The following ARHGAP8 variants were observed in gnomAD, a reference collection of about 807,000 sequenced individuals.
The protein encoded by ARHGAP8 is Rho GTPase activating protein 8.
A neutral mutation model predicts 46.1 loss-of-function variants in ARHGAP8; 62 were observed. The ratio of observed to expected loss-of-function variants is 1.34; its 90% CI spans 1.10 to 1.66. ARHGAP8 has a LOEUF of 1.66. Ranked by LOEUF, ARHGAP8 falls within the 40% of genes most tolerant of loss-of-function variation. The probability of loss-of-function intolerance (pLI) is 0.00; values close to 1 mark genes in which losing one functional copy is unlikely to be tolerated. For synonymous variants in ARHGAP8, 375 were observed against 243.1 expected (o/e 1.54, Z -5.05); for missense variants, 923 against 568.4 (o/e 1.62, Z -6.34).
At chr22:44,817,459 G>A (rs1422986119) in intron 5 of ARHGAP8, among the ~76,000 whole-genome samples, 5 of 152,228 alleles carry the variant, frequency 3.3e-5, no homozygotes, top group Admixed American at 6.5e-5. Context: ...TATGTGACAT[G>A]TGACATATTT....
At chr22:44,772,912 G>C (rs1250651247) in intron 1 of ARHGAP8, among the ~76,000 whole-genome samples, 1 of 148,394 alleles carries the variant, frequency 6.7e-6, no homozygotes, top group Non-Finnish European at 1.5e-5. Context: ...CTGACCTCCT[G>C]GGTTCAAGCG....
rs183196406 is a variant in ARHGAP8, at chr22:44,759,500, A to G, written c.-72+6873A>G. ...CCCATGTAGCTGCAAAGGTCTGGGG[A>G]TAGTATGGAGATCAGGTGTGGCTTG... On this transcript the variant is annotated intron_variant, in intron 1 of 11. Coordinates refer to ENST00000356099, the MANE Select transcript of ARHGAP8 (RefSeq NM_181335.3). 3.9e-3 allele frequency among the ~76,000 whole-genome samples: 594 copies of G among 152,222 alleles called. 4 individuals are homozygous for G. Among genetic ancestry groups the G allele is most frequent in the Non-Finnish European group, 3.7e-3 (253 of 68,000 alleles).
intron 11 of ARHGAP8, among the ~76,000 whole-genome samples, chr22:44,861,594 CCT>C (rs759985060): frequency 1.2e-4 from 19 of 152,312 alleles, no homozygotes; most frequent in Non-Finnish European, 2.2e-4. Flanking sequence ...CCTCATGACC[CCT>C]GTTTCTGACT....
At chr22:44,802,675 G>T (rs1928641097) in intron 3 of ARHGAP8, among the ~76,000 whole-genome samples, 1 of 152,148 alleles carries the variant, frequency 6.6e-6, no homozygotes, top group Admixed American at 6.5e-5. Context: ...CAAGGTCAAG[G>T]CAGCGGCAGG....
chr22:44,774,767 C>A (rs1417910511), intron 1 of ARHGAP8, among the ~76,000 whole-genome samples: 2 of 151,914 alleles, frequency 1.3e-5, no homozygotes, highest in African/African-American at 4.8e-5. Context: ...GGTGCTCCAC[C>A]CACCTCAGCC....
intron 1 of ARHGAP8, among the ~76,000 whole-genome samples, chr22:44,780,102 C>T (rs1926735700): frequency 6.6e-6 from 1 of 152,166 alleles, no homozygotes; most frequent in Non-Finnish European, 1.5e-5. Context: ...GTATGTTCTC[C>T]CTCCAGCCTG....
intron 6 of ARHGAP8, among the ~76,000 whole-genome samples, chr22:44,824,113 T>C (rs1930341233): frequency 6.6e-6 from 1 of 152,188 alleles, no homozygotes; most frequent in South Asian, 2.1e-4. Flanking sequence ...CACCAGAGGC[T>C]GAGACCCACT....
chr22:44,818,407 C>G (rs2147109708), intron 5 of ARHGAP8, among the ~76,000 whole-genome samples: 1 of 145,146 alleles, frequency 6.9e-6, no homozygotes, highest in East Asian at 2.2e-4. Flanking sequence ...CGAGATCACA[C>G]CATTGCACTC....
chr22:44,775,541 G>T (rs1159565434), intron 1 of ARHGAP8, among the ~76,000 whole-genome samples: 3 of 151,996 alleles, frequency 2.0e-5, no homozygotes, highest in Admixed American at 6.6e-5. Flanking sequence ...TCTGCCTCCC[G>T]GGTTCAAGCG....
chr22:44,855,580 G>A (rs5766114), intron 10 of ARHGAP8, among the ~76,000 whole-genome samples: 1 of 152,012 alleles, frequency 6.6e-6, no homozygotes, highest in Non-Finnish European at 1.5e-5. Flanking sequence ...TTTTTCTTTG[G>A]CCAGTTTGTT....
chr22:44,859,609 C>G (rs1244134471), intron 10 of ARHGAP8, 122 bp from the exon 11 acceptor site: 16 of 1,080,580 alleles, frequency 1.5e-5, no homozygotes, highest in East Asian at 2.6e-5. Flanking sequence ...GTCCCAAGCC[C>G]AAATGTGGGA....
intron 7 of ARHGAP8, among the ~76,000 whole-genome samples, chr22:44,841,637 G>C (rs542535812): frequency 6.6e-6 from 1 of 152,112 alleles, no homozygotes; most frequent in African/African-American, 2.4e-5. Context: ...TTTCTTTCTC[G>C]CTAAGGTTGG....
chr22:44,837,012 G>A (rs530484456), intron 7 of ARHGAP8, among the ~76,000 whole-genome samples: 153 of 152,248 alleles, frequency 1.0e-3, no homozygotes, highest in African/African-American at 3.6e-3. Flanking sequence ...AGCCTCCTGA[G>A]TAGCTGGGAC....
intron 5 of ARHGAP8, among the ~76,000 whole-genome samples, chr22:44,820,645 G>T (rs78972765): frequency 5.3e-5 from 8 of 152,182 alleles, no homozygotes; most frequent in African/African-American, 1.9e-4. Context: ...TGTGCTTGGG[G>T]TGAGGGGCAC....
At chr22:44,809,011 G>A in intron 4 of ARHGAP8, 1 of 440,160 alleles carries the variant, frequency 2.3e-6, no homozygotes, top group Non-Finnish European at 4.6e-6. Flanking sequence ...TGTAGAGACG[G>A]GGATCTCACT....
chr22:44,833,100 T>TC (rs1555917130), intron 7 of ARHGAP8, among the ~76,000 whole-genome samples: 5,444 of 126,738 alleles, frequency 0.043, 306 homozygotes, highest in African/African-American at 0.15. Flanking sequence ...TCTTTTCTTT[T>TC]TTTTTTTTTT....
At chr22:44,775,412 C>T (rs1926350718) in intron 1 of ARHGAP8, among the ~76,000 whole-genome samples, 1 of 151,954 alleles carries the variant, frequency 6.6e-6, no homozygotes, top group African/African-American at 2.4e-5. Flanking sequence ...TGGACAACTC[C>T]AGCAGGGCTG....
At chr22:44,837,039 C>T (rs959677253) in intron 7 of ARHGAP8, among the ~76,000 whole-genome samples, 1 of 152,086 alleles carries the variant, frequency 6.6e-6, no homozygotes, top group East Asian at 1.9e-4. Flanking sequence ...CGCGTGCCAC[C>T]GTACCTGGCT....
At position 44,822,472 on chromosome 22, in the gene ARHGAP8, A is replaced by T. The variant is rs1314351154; in HGVS notation, c.485+3A>T. 6.5e-7 allele frequency: 1 copy of T among 1,550,340 alleles called. No individual in the cohort carries two copies. Among genetic ancestry groups the T allele is most frequent in the South Asian group, 1.3e-5 (1 of 79,222 alleles). ...GTCATCCCTCCCGAAGTTTTGCGGT[A>T]AGTGCCTGTTAGACCCCAGAAGCCG... On this transcript the variant is annotated splice_donor_region_variant and intron_variant, in intron 6 of 11. Coordinates refer to ENST00000356099, the MANE Select transcript of ARHGAP8 (RefSeq NM_181335.3).
Sources: gnomAD v4.1 joint callset for allele counts (sites outside exome capture counted in the v4.1 genomes callset) on GRCh38, gnomAD v4.1.1 for gene constraint, MANE v1.5 for transcripts, NCBI Gene and HGNC (gene_info 2026-07-23, HGNC 2026-07-21) for gene names.